Variants in TRPC7 observed in about 807,000 individuals in gnomAD.
The protein encoded by TRPC7 is transient receptor potential cation channel subfamily C member 7.
A neutral mutation model predicts 90.1 loss-of-function variants in TRPC7; 42 were observed. That is an observed-to-expected ratio of 0.47 (90% CI 0.36 to 0.60). The LOEUF (loss-of-function observed/expected upper bound fraction) is 0.60, where lower values mean the gene tolerates loss of function less well. Ranked by LOEUF, TRPC7 falls within the 20% of genes least tolerant of loss-of-function variation. The pLI, the probability that TRPC7 is intolerant of heterozygous loss-of-function variation, is 0.00. For missense variants in TRPC7, 955 were observed against 1,112.3 expected, an observed-to-expected ratio of 0.86 and a Z score of 2.01; for synonymous variants, 451 against 436.3, an observed-to-expected ratio of 1.03 and a Z score of -0.42.
chr5:136,231,438 G>C lies in TRPC7; in HGVS notation c.1956C>G (p.Leu652=), dbSNP rs1333436324. The C allele has an allele frequency of 1.3e-5, 21 of 1,612,914 alleles. No individual in the cohort carries two copies. The highest frequency in any genetic ancestry group is 1.6e-4 in the Middle Eastern group (1 of 6,084). ...HKFIENIGYV[L]YGVYNVTMVV... The stretch of plus-strand genomic sequence containing the variant: ...CCATGGTGACGTTATAAACGCCGTA[G>C]AGAACGTAGCCAATGTTCTCGATGA... Residue 652 remains leucine (L), a synonymous_variant, in exon 8 of 12, where the codon CTC becomes CTG. Coordinates refer to ENST00000513104, the MANE Select transcript of TRPC7 (RefSeq NM_020389.3).
At chr5:136,252,844 C>T (rs1161434842) in intron 5 of TRPC7, among the ~76,000 whole-genome samples, 2 of 152,182 alleles carry the variant, frequency 1.3e-5, no homozygotes, top group Non-Finnish European at 2.9e-5. Flanking sequence ...CTGTTCAGCT[C>T]GATTCCTAAC....
chr5:136,290,990 C>T (rs1757926787), intron 3 of TRPC7, among the ~76,000 whole-genome samples: 1 of 152,240 alleles, frequency 6.6e-6, no homozygotes, highest in Non-Finnish European at 1.5e-5. Context: ...CAATATTCAA[C>T]ATTCTGAAAG....
chr5:136,344,751 T>C (rs1378895253), intron 2 of TRPC7, among the ~76,000 whole-genome samples: 4 of 151,914 alleles, frequency 2.6e-5, no homozygotes, highest in Non-Finnish European at 5.9e-5. Context: ...TGTAAGGGGG[T>C]ATAGGGATGT....
chr5:136,314,836 A>T (rs1180643377), intron 3 of TRPC7, among the ~76,000 whole-genome samples: 3 of 152,214 alleles, frequency 2.0e-5, no homozygotes, highest in East Asian at 3.9e-4. Flanking sequence ...ATATTTAAAC[A>T]TGTGGATCTC....
intron 1 of TRPC7, among the ~76,000 whole-genome samples, chr5:136,363,948 T>C (rs1242431400): frequency 1.3e-5 from 2 of 152,204 alleles, no homozygotes; most frequent in Non-Finnish European, 2.9e-5. Flanking sequence ...GCTTTATTTT[T>C]AAAAAAGATT....
intron 4 of TRPC7, among the ~76,000 whole-genome samples, chr5:136,267,908 A>G (rs377301147): frequency 2.7e-4 from 41 of 152,268 alleles, no homozygotes; most frequent in African/African-American, 9.4e-4. Context: ...TTACAATAAC[A>G]TTTCTGTATA....
chr5:136,325,874 C>A (rs1759329319), intron 2 of TRPC7, among the ~76,000 whole-genome samples: 1 of 152,194 alleles, frequency 6.6e-6, no homozygotes, highest in South Asian at 2.1e-4. Flanking sequence ...AAAACCCCAT[C>A]TCTCCACCTG....
intron 1 of TRPC7, among the ~76,000 whole-genome samples, chr5:136,358,805 A>T (rs1035201103): frequency 1.3e-5 from 2 of 152,146 alleles, no homozygotes; most frequent in Admixed American, 6.5e-5. Flanking sequence ...AATTGGTTCT[A>T]CCTGTATTTT....
chr5:136,316,698 C>T (rs1006477150), intron 2 of TRPC7, among the ~76,000 whole-genome samples: 3 of 152,166 alleles, frequency 2.0e-5, no homozygotes, highest in Non-Finnish European at 4.4e-5. Context: ...AGATAATGAT[C>T]CAAAATGTTG....
chr5:136,235,410 A>G (rs182834102), intron 7 of TRPC7, among the ~76,000 whole-genome samples: 457 of 152,290 alleles, frequency 3.0e-3, no homozygotes, highest in African/African-American at 0.011. Flanking sequence ...CTGAGTGGGA[A>G]ATGACTTGTG....
Position 136,216,408 on chromosome 5 carries a change from A to T in TRPC7, c.2344-133T>A, listed in dbSNP as rs1287652048. The T allele has an allele frequency of 1.3e-5, 9 of 707,018 alleles. No homozygotes were observed. In the East Asian group the frequency reaches 2.2e-4, roughly 17 times the overall value. The allele number at this position is 707,018 out of a possible 1,614,324, so 43.8% of individuals were successfully genotyped here. A position where few individuals can be genotyped will look rare whatever the true frequency, so the allele number is the denominator to read the frequency against. On this transcript the variant is annotated intron_variant, in intron 10 of 11. Transcript: ENST00000513104. Reference sequence around the variant, plus strand: ...GCGACCCTCCCATGCCTGGCGCCTCACTCTGGAGGGGTGCCCTGCACAGTG... The same window carrying T: ...GCGACCCTCCCATGCCTGGCGCCTCTCTCTGGAGGGGTGCCCTGCACAGTG...
At chr5:136,364,394 T>C (rs973580643) in intron 1 of TRPC7, among the ~76,000 whole-genome samples, 2 of 152,182 alleles carry the variant, frequency 1.3e-5, no homozygotes, top group African/African-American at 4.8e-5. Flanking sequence ...ATCTTGGAGA[T>C]TGGGTTTGCA....
chr5:136,260,531 C>T (rs554583678), intron 5 of TRPC7, among the ~76,000 whole-genome samples: 30 of 152,226 alleles, frequency 2.0e-4, no homozygotes, highest in African/African-American at 6.3e-4. Context: ...AGAAGCAGTG[C>T]AAGGCAGAGA....
Position 136,247,763 on chromosome 5 carries a change from C to G in TRPC7, c.1580-28G>C. ...AAAAGAAAACAATCTGGGTTACTCA[C>G]GAGGCCACAGGATCTATTCTAGAAG... is the stretch of plus-strand genomic sequence containing the variant. On this transcript the variant is annotated intron_variant, in intron 6 of 11. Transcript: ENST00000513104. This position sits in a 1 kb window ranked among gnomAD's most constrained non-coding sequence, Gnocchi z 4.2. 1 of 1,600,870 alleles carries G rather than the reference C, an allele frequency of 6.2e-7. No homozygotes were observed. Among genetic ancestry groups the G allele is most frequent in the Non-Finnish European group, 8.5e-7 (1 of 1,172,404 alleles).
intron 7 of TRPC7, among the ~76,000 whole-genome samples, chr5:136,239,979 C>A (rs1175030129): frequency 6.6e-6 from 1 of 152,216 alleles, no homozygotes; most frequent in Non-Finnish European, 1.5e-5. Context: ...ACCCTTCATG[C>A]AGTTGCCACA....
At position 136,282,203 on chromosome 5, in the gene TRPC7, G is replaced by T. The variant is rs1441164000; in HGVS notation, c.964-7366C>A. On this transcript the variant is annotated intron_variant, in intron 3 of 11. Coordinates refer to ENST00000513104, the MANE Select transcript of TRPC7 (RefSeq NM_020389.3). ...AGTACAAAAATTGTCATCCTAGGTT[G>T]ATGGAACTGGGATGGGGTGTGGTGG... 2.0e-5 allele frequency among the ~76,000 whole-genome samples: 3 copies of T among 152,328 alleles called. No individual in the cohort carries two copies. In the East Asian group the frequency reaches 5.8e-4, roughly 29 times the overall value.
chr5:136,217,584 G>C (rs1287588146), intron 10 of TRPC7, among the ~76,000 whole-genome samples: 7 of 152,230 alleles, frequency 4.6e-5, no homozygotes, highest in Admixed American at 4.6e-4. Context: ...TCAGGCTGAA[G>C]AGTTAATTGG....
intron 3 of TRPC7, among the ~76,000 whole-genome samples, chr5:136,294,443 G>GA (rs1285577482): frequency 2.6e-5 from 4 of 151,674 alleles, no homozygotes; most frequent in South Asian, 2.1e-4. Flanking sequence ...AAATTTACAA[G>GA]AAAAAAACAA....
chr5:136,363,216 T>C (rs1284322492), intron 1 of TRPC7, among the ~76,000 whole-genome samples: 1 of 152,156 alleles, frequency 6.6e-6, no homozygotes, highest in Non-Finnish European at 1.5e-5. Flanking sequence ...TTCTCACTTC[T>C]TCACACTACT....
Sources: allele counts gnomAD v4.1 joint callset (sites outside exome capture counted in the v4.1 genomes callset), GRCh38; gene constraint gnomAD v4.1.1; non-coding constraint Gnocchi (gnomAD v3.1); transcripts MANE v1.5; gene names NCBI Gene and HGNC (gene_info 2026-07-23, HGNC 2026-07-21).